PCDHA6: variants seen among roughly 807,000 people sequenced by gnomAD.
PCDHA6 encodes protocadherin alpha-6.
PCDHA6 carries 55 observed loss-of-function variants against 60.3 expected under a neutral mutation model. That is an observed-to-expected ratio of 0.91 (90% CI 0.73 to 1.14). The LOEUF (loss-of-function observed/expected upper bound fraction) is 1.14. PCDHA6 is among the 50% of genes most tolerant of loss of function. PCDHA6 has a pLI of 0.00. For synonymous variants in PCDHA6, 652 were observed against 557.9 expected (o/e 1.17, Z -2.38); for missense variants, 1,327 against 1,256.5 (o/e 1.06, Z -0.85).
Position 140,829,552 on chromosome 5 carries a change from C to T in PCDHA6, c.1461C>T (p.Asn487=), listed in dbSNP as rs1302023406. The part of the protein sequence containing the change: ...VSARDADAQE[N]ALVSYSLVER... ...CGCGAGACGCGGACGCGCAGGAGAA[C>T]GCGCTGGTGTCCTACTCGCTGGTGG... Residue 487 remains asparagine (N), a synonymous_variant, in exon 1 of 4, where the codon AAC becomes AAT. Transcript: ENST00000529310. The T allele has an allele frequency of 3.1e-6, 5 of 1,612,754 alleles. No individual in the cohort carries two copies. In the Admixed American group the frequency reaches 6.7e-5, roughly 22 times the overall value.
Position 140,916,518 on chromosome 5 carries a change from T to A in PCDHA6, c.2395-62431T>A, listed in dbSNP as rs187386381. Among the ~76,000 whole-genome samples the A allele has an allele frequency of 2.6e-5, 4 of 152,306 alleles. No homozygotes were observed. The East Asian group carries it at 7.7e-4, about 29-fold the overall frequency. ...AGCAGGTGATTAATCTTGCCAAGACTGGGTCCTTCCCACCAAGGCAATGGG... is the reference window on the plus strand; with the variant it reads ...AGCAGGTGATTAATCTTGCCAAGACAGGGTCCTTCCCACCAAGGCAATGGG... On this transcript the variant is annotated intron_variant, in intron 1 of 3. Coordinates refer to ENST00000529310, the MANE Select transcript of PCDHA6 (RefSeq NM_018909.4).
intron 1 of PCDHA6, among the ~76,000 whole-genome samples, chr5:140,831,600 T>G (rs1316984188): frequency 2.0e-5 from 3 of 150,404 alleles, no homozygotes; most frequent in Non-Finnish European, 2.9e-5. Flanking sequence ...TGGGTGCAAG[T>G]GATCTGCCCA....
chr5:140,969,508 A>C, intron 1 of PCDHA6: 2 of 1,424,370 alleles, frequency 1.4e-6, no homozygotes, highest in South Asian at 1.5e-5. Context: ...GAAAAATAGC[A>C]CTAAAGAATT....
chr5:140,946,613 T>A (rs1300820927), intron 1 of PCDHA6, among the ~76,000 whole-genome samples: 1 of 116,702 alleles, frequency 8.6e-6, no homozygotes, highest in South Asian at 2.6e-4. Context: ...AAATGTGAAA[T>A]ATATATATAT....
intron 1 of PCDHA6, among the ~76,000 whole-genome samples, chr5:140,899,914 C>A (rs1408569942): frequency 2.0e-5 from 3 of 151,952 alleles, no homozygotes; most frequent in Admixed American, 6.6e-5. Flanking sequence ...CTCAAGCAAT[C>A]CTCCTGCCTC....
At chr5:140,917,330 AG>A (rs1425400137) in intron 1 of PCDHA6, among the ~76,000 whole-genome samples, 1,705 of 103,254 alleles carry the variant, frequency 0.017, 125 homozygotes, top group African/African-American at 0.055. Context: ...GTGGCGGGGG[AG>A]GGGGGGGATG....
At position 140,829,569 on chromosome 5, in the gene PCDHA6, C is replaced by G. The variant is rs2150170274; in HGVS notation, c.1478C>G (p.Ser493Trp). ...DAQENALVSY[S>W]LVERRVGERA... ...CAGGAGAACGCGCTGGTGTCCTACT[C>G]GCTGGTGGAGCGGCGGGTGGGCGAG... Residue 493 changes from serine (S) to tryptophan (W), a missense_variant, in exon 1 of 4, where the codon TCG becomes TGG. Transcript: ENST00000529310. 1 of 1,612,602 alleles carries G rather than the reference C, an allele frequency of 6.2e-7. No homozygotes were observed. Among genetic ancestry groups the G allele is most frequent in the East Asian group, 2.2e-5 (1 of 44,882 alleles).
At chr5:140,871,303 G>A (rs1562661921) in intron 1 of PCDHA6, 1 of 1,613,854 alleles carries the variant, frequency 6.2e-7, no homozygotes, top group Non-Finnish European at 8.5e-7. Flanking sequence ...GTGCGCGCCG[G>A]GGAAGCCCAC....
intron 1 of PCDHA6, chr5:140,928,279 TCTCTAGGC>T: frequency 6.2e-7 from 1 of 1,614,144 alleles, no homozygotes; most frequent in Non-Finnish European, 8.5e-7. Flanking sequence ...CCCTGGGGCC[TCTCTAGGC>T]CGAGTGTTTG....
At chr5:140,877,533 G>A (rs1554169813) in intron 1 of PCDHA6, 2 of 1,613,790 alleles carry the variant, frequency 1.2e-6, no homozygotes, top group South Asian at 2.2e-5. Context: ...TGGGCGCTGT[G>A]GATCCCGAAG....
intron 1 of PCDHA6, among the ~76,000 whole-genome samples, chr5:140,960,522 T>C (rs1261145307): frequency 6.6e-6 from 1 of 152,090 alleles, no homozygotes; most frequent in African/African-American, 2.4e-5. Flanking sequence ...ATAATGGGTA[T>C]AGGAAAGAGA....
rs1164447924 is a variant in PCDHA6, at chr5:141,009,514, AT to A, written c.2543-108del. The A allele has an allele frequency of 1.5e-5, 22 of 1,501,204 alleles. 1 individual carries two copies. The South Asian group carries it at 1.9e-4, about 13-fold the overall frequency. 93.0% of individuals were successfully genotyped at this position (1,501,204 alleles called of 1,614,324 possible). ...CTCAGACTTGAACAAACAACTCGTG[AT>A]TTTTCTGGGGAGGTTCAGCCTGCCT... On this transcript the variant is annotated intron_variant, in intron 3 of 3. Coordinates refer to ENST00000529310, the MANE Select transcript of PCDHA6 (RefSeq NM_018909.4).
chr5:140,865,816 A>G (rs1554159628), intron 1 of PCDHA6: 1 of 152,168 alleles, frequency 6.6e-6, no homozygotes, highest in East Asian at 1.9e-4. Context: ...TTTATCCACT[A>G]TAATGTAGAG....
At position 140,841,125 on chromosome 5, in the gene PCDHA6, C is replaced by T. The variant is rs2150311446; in HGVS notation, c.2394+10640C>T. 38 of 651,618 alleles carry T rather than the reference C, an allele frequency of 5.8e-5. No individual in the cohort carries two copies. In the African/African-American group the frequency reaches 6.2e-4, roughly 11 times the overall value. 40.4% of individuals were successfully genotyped at this position (651,618 alleles called of 1,614,324 possible). A position where few individuals can be genotyped will look rare whatever the true frequency, so the allele number is the denominator to read the frequency against. ...GCGGAAGTAATTCATGTAATCATTACCTTTTGAAGCCACATGATGTCGCTG... is the reference window on the plus strand; with the variant it reads ...GCGGAAGTAATTCATGTAATCATTATCTTTTGAAGCCACATGATGTCGCTG... On this transcript the variant is annotated intron_variant, in intron 1 of 3. Transcript: ENST00000529310.
intron 1 of PCDHA6, chr5:140,857,235 T>C: frequency 6.3e-7 from 1 of 1,598,634 alleles, no homozygotes; most frequent in Non-Finnish European, 8.6e-7. Context: ...CCGTTCAAGC[T>C]GGTGTCCACC....
Position 140,842,470 on chromosome 5 carries a change from G to T in PCDHA6, c.2394+11985G>T, listed in dbSNP as rs2150336906. 2.9e-5 allele frequency: 47 copies of T among 1,613,802 alleles called. 1 individual carries two copies. Among genetic ancestry groups the T allele is most frequent in the South Asian group, 2.4e-4 (22 of 91,082 alleles). ...ACGACCTCGATTCAGGTGCCAACGG[G>T]CAGGTGACCTGCTCCCTGATGCCCC... is the stretch of plus-strand genomic sequence containing the variant. On this transcript the variant is annotated intron_variant, in intron 1 of 3. Transcript: ENST00000529310.
intron 1 of PCDHA6, among the ~76,000 whole-genome samples, chr5:140,872,744 C>T (rs1359908128): frequency 6.6e-6 from 1 of 152,086 alleles, no homozygotes; most frequent in African/African-American, 2.4e-5. Flanking sequence ...TCTAAACTTG[C>T]TAAAGACATG....
At chr5:140,967,254 C>G in intron 1 of PCDHA6, 3 of 1,613,562 alleles carry the variant, frequency 1.9e-6, no homozygotes, top group Non-Finnish European at 2.5e-6. Context: ...TCGGTGGCGC[C>G]TGGAGCGCGC....
chr5:140,968,127 C>T (rs1217974732), intron 1 of PCDHA6: 7 of 1,614,064 alleles, frequency 4.3e-6, no homozygotes, highest in Non-Finnish European at 5.9e-6. Context: ...TCCCTGCGTA[C>T]ACTGAAGGTT....
Sources: gnomAD v4.1 joint callset for allele counts (sites outside exome capture counted in the v4.1 genomes callset) on GRCh38, gnomAD v4.1.1 for gene constraint, MANE v1.5 for transcripts, NCBI Gene and HGNC (gene_info 2026-07-23, HGNC 2026-07-21) for gene names.